Variants in ZNF362 observed in about 807,000 individuals in gnomAD.
The protein encoded by ZNF362 is rotund homolog.
In ZNF362, 11 loss-of-function variants were observed where a neutral mutation model predicts 42.9. The ratio of observed to expected loss-of-function variants is 0.26; its 90% confidence interval spans 0.16 to 0.42. ZNF362 has a LOEUF of 0.42. ZNF362 is among the 20% of genes least tolerant of loss of function. ZNF362 has a pLI of 1.00. For missense variants in ZNF362, 362 were observed against 576.2 expected, an observed-to-expected ratio of 0.63 and a Z score of 3.81; for synonymous variants, 255 against 257.3, an observed-to-expected ratio of 0.99 and a Z score of 0.09.
chr1:33,237,857 C>T, the ZNF362 span, among the ~76,000 whole-genome samples: 3 of 152,170 alleles, frequency 2.0e-5, no homozygotes, highest in Admixed American at 6.6e-5. Flanking sequence ...GTGTTAAAGA[C>T]GCTGGAACCA....
At chr1:33,210,263 A>C in the ZNF362 span, among the ~76,000 whole-genome samples, 374 of 152,228 alleles carry the variant, frequency 2.5e-3, 3 homozygotes, top group African/African-American at 8.4e-3. Flanking sequence ...CCTGAGTTCC[A>C]ATTTGATTGT....
At chr1:33,181,388 C>G in the ZNF362 span, 1 of 1,602,746 alleles carries the variant, frequency 6.2e-7, no homozygotes, top group Non-Finnish European at 8.5e-7. This position sits in a 1 kb window ranked among gnomAD's most constrained non-coding sequence, Gnocchi z 6.5. Context: ...GGTAGATGCT[C>G]AGGCAGATGG....
chr1:33,290,132 A>G (rs2148129334), intron 6 of ZNF362, among the ~76,000 whole-genome samples: 1 of 152,222 alleles, frequency 6.6e-6, no homozygotes, highest in Admixed American at 6.5e-5. Context: ...TCTAGGGGAC[A>G]TGTGCAGAAC....
the ZNF362 span, among the ~76,000 whole-genome samples, chr1:33,218,549 A>G: frequency 6.6e-6 from 1 of 152,228 alleles, no homozygotes; most frequent in Admixed American, 6.5e-5. Flanking sequence ...AAAAGAAGGC[A>G]TTGTCAATTT....
the ZNF362 span, among the ~76,000 whole-genome samples, chr1:33,222,463 C>T: frequency 6.6e-6 from 1 of 152,208 alleles, no homozygotes; most frequent in Non-Finnish European, 1.5e-5. Context: ...AGTTTTGCTT[C>T]CCATGAATAT....
chr1:33,285,659 G>A (rs1646027108), intron 6 of ZNF362, among the ~76,000 whole-genome samples: 1 of 152,204 alleles, frequency 6.6e-6, no homozygotes, highest in African/African-American at 2.4e-5. Flanking sequence ...GTTTATGTAT[G>A]TATAAAATTA....
chr1:33,241,366 G>T, the ZNF362 span, among the ~76,000 whole-genome samples: 3 of 151,712 alleles, frequency 2.0e-5, no homozygotes, highest in Admixed American at 6.6e-5. Context: ...GTGGGGGCGG[G>T]TGCCTGTAAT....
chr1:33,295,604 G>C (rs1055994312), intron 8 of ZNF362, among the ~76,000 whole-genome samples: 1 of 109,208 alleles, frequency 9.2e-6, no homozygotes, highest in African/African-American at 2.7e-5. Context: ...CTGCTCCGCA[G>C]AGCTACAGAG....
chr1:33,186,988 A>G, the ZNF362 span, among the ~76,000 whole-genome samples: 33 of 151,744 alleles, frequency 2.2e-4, no homozygotes, highest in Admixed American at 2.2e-3. Context: ...TGGGAAGGTG[A>G]TACAGGGAAG....
chr1:33,287,941 T>C (rs971042201), intron 6 of ZNF362, among the ~76,000 whole-genome samples: 70 of 152,294 alleles, frequency 4.6e-4, no homozygotes, highest in Non-Finnish European at 6.3e-4. Context: ...ATTGTTTTAG[T>C]TAAAAAACAC....
the ZNF362 span, among the ~76,000 whole-genome samples, chr1:33,139,202 C>T: frequency 5.9e-5 from 9 of 152,090 alleles, no homozygotes; most frequent in African/African-American, 1.2e-4. Flanking sequence ...ATCTAGGTGT[C>T]GGGGGAATGA....
chr1:33,142,846 C>T, the ZNF362 span: 7 of 151,950 alleles, frequency 4.6e-5, no homozygotes, highest in African/African-American at 1.2e-4. Context: ...CCAGCTCTGC[C>T]GAGTACTGGC....
At chr1:33,217,979 G>A in the ZNF362 span, among the ~76,000 whole-genome samples, 4 of 152,096 alleles carry the variant, frequency 2.6e-5, no homozygotes, top group South Asian at 2.1e-4. Context: ...ATGTATAAAC[G>A]TGATCAGCAT....
chr1:33,136,290 CTTTCTTTCTT>C, the ZNF362 span, among the ~76,000 whole-genome samples: 3 of 137,434 alleles, frequency 2.2e-5, no homozygotes, highest in Admixed American at 1.4e-4. Context: ...TCTTCCTTTC[CTTTCTTTCTT>C]TTTCTTTCTT....
At chr1:33,189,671 A>ATGTG in the ZNF362 span, among the ~76,000 whole-genome samples, 4 of 105,044 alleles carry the variant, frequency 3.8e-5, no homozygotes, top group African/African-American at 1.5e-4. Flanking sequence ...ATATATATAT[A>ATGTG]TGTATATATA....
intron 2 of ZNF362, chr1:33,274,857 G>A (rs1645930865): frequency 1.3e-6 from 1 of 775,140 alleles, no homozygotes; most frequent in African/African-American, 1.9e-5. Flanking sequence ...CTGATAAAAT[G>A]GTATAATAAT....
the ZNF362 span, among the ~76,000 whole-genome samples, chr1:33,160,967 G>A: frequency 6.6e-6 from 1 of 152,224 alleles, no homozygotes; most frequent in Non-Finnish European, 1.5e-5. Flanking sequence ...GAAGGGTGAA[G>A]TAGTGAAGGG....
upstream of ZNF362, among the ~76,000 whole-genome samples, chr1:33,252,336 G>A (rs1384117008): frequency 6.6e-6 from 1 of 151,250 alleles, no homozygotes; most frequent in African/African-American, 2.4e-5. Flanking sequence ...TGGGCAACAA[G>A]AGTGAAACTC....
At chr1:33,187,320 A>G in the ZNF362 span, among the ~76,000 whole-genome samples, 1 of 152,250 alleles carries the variant, frequency 6.6e-6, no homozygotes, top group East Asian at 1.9e-4. Flanking sequence ...TTTGAGGGAC[A>G]ATGGCAGGGC....
Sources: allele counts gnomAD v4.1 joint callset (sites outside exome capture counted in the v4.1 genomes callset), GRCh38; gene constraint gnomAD v4.1.1; non-coding constraint Gnocchi (gnomAD v3.1); transcripts MANE v1.5; gene names NCBI Gene and HGNC (gene_info 2026-07-23, HGNC 2026-07-21).